Variants in FBP2 observed in about 807,000 individuals in gnomAD.
FBP2 encodes fructose-bisphosphatase 2.
In FBP2, 27 loss-of-function variants were observed where a neutral mutation model predicts 31.6. That is an observed-to-expected ratio of 0.85 (90% CI 0.63 to 1.18). FBP2 has a LOEUF of 1.18. FBP2 is among the 50% of genes most tolerant of loss of function. The pLI is 0.00. For synonymous variants in FBP2, 168 were observed against 179.8 expected, an observed-to-expected ratio of 0.93 and a Z score of 0.53; for missense variants, 421 against 436.1, an observed-to-expected ratio of 0.97 and a Z score of 0.31.
intron 2 of FBP2, among the ~76,000 whole-genome samples, chr9:94,585,438 G>A (rs924740521): frequency 2.0e-5 from 3 of 151,784 alleles, no homozygotes; most frequent in Non-Finnish European, 2.9e-5. Flanking sequence ...CATTCCAGTG[G>A]GAGAACAGAC....
intron 1 of FBP2, among the ~76,000 whole-genome samples, chr9:94,591,197 G>A (rs1827496940): frequency 6.6e-6 from 1 of 152,270 alleles, no homozygotes; most frequent in Admixed American, 6.5e-5. Context: ...AGCGGGGGGT[G>A]GCGCTCGTCG....
At chr9:94,571,914 A>G (rs1413975939) in intron 3 of FBP2, among the ~76,000 whole-genome samples, 1 of 152,150 alleles carries the variant, frequency 6.6e-6, no homozygotes, top group Non-Finnish European at 1.5e-5. Flanking sequence ...TTCCCAAGCC[A>G]CGATACTCAC....
intron 3 of FBP2, among the ~76,000 whole-genome samples, chr9:94,579,791 A>G (rs1827357662): frequency 6.6e-6 from 1 of 152,034 alleles, no homozygotes; most frequent in African/African-American, 2.4e-5. Context: ...TGAGAGGATA[A>G]CTCTCTCATT....
rs752148715 is a variant in FBP2, at chr9:94,593,713, C to T, written c.14G>A (p.Ser5Asn). 8.1e-6 allele frequency: 13 copies of T among 1,614,004 alleles called. No individual in the cohort carries two copies. The highest frequency in any genetic ancestry group is 1.1e-5 in the Non-Finnish European group (13 of 1,179,986). The change falls in exon 1 of 7, where the codon AGC becomes AAC. Residue 5 changes from serine (S) to asparagine (N), a missense_variant. Transcript: ENST00000375337. ...GGTGAGCATGTCGGTTTCGAAGGGG[C>T]TTCTGTCCGTCATTTTGGCTGGAAT... MTDR[S>N]PFETDMLTLT...
intron 3 of FBP2, among the ~76,000 whole-genome samples, chr9:94,579,327 G>T (rs947273022): frequency 2.7e-5 from 4 of 149,782 alleles, no homozygotes; most frequent in Non-Finnish European, 5.9e-5. Context: ...GAACCCAGTA[G>T]GCGGAGCTTG....
At chr9:94,581,224 A>G (rs988422617) in intron 3 of FBP2, among the ~76,000 whole-genome samples, 1 of 152,168 alleles carries the variant, frequency 6.6e-6, no homozygotes, top group Non-Finnish European at 1.5e-5. Flanking sequence ...CTATAGTGGA[A>G]GAAGTGAGCG....
intron 5 of FBP2, 82 bp from the exon 6 acceptor site, chr9:94,563,543 G>A (rs1827141292): frequency 6.7e-7 from 1 of 1,495,696 alleles, no homozygotes; most frequent in Admixed American, 1.9e-5. Context: ...AGTCCAGTTG[G>A]TGTGACCTCT....
chr9:94,575,728 A>G (rs1248040885), intron 3 of FBP2, among the ~76,000 whole-genome samples: 1 of 152,220 alleles, frequency 6.6e-6, no homozygotes, highest in Non-Finnish European at 1.5e-5. Context: ...AGTCCCACCA[A>G]TGAGGTATAA....
rs149084114 is a variant in FBP2, at chr9:94,572,322, GACAC to G, written c.427-724_427-721del. ...TGTATTGAGTTACCCCGTCTCCCAC[GACAC>G]ACACACACGCACACTTATTTGATGG... On this transcript the variant is annotated intron_variant, in intron 3 of 6. Transcript: ENST00000375337. Among the ~76,000 whole-genome samples the G allele has an allele frequency of 2.0e-5, 3 of 151,872 alleles. 1 individual carries two copies. The highest frequency in any genetic ancestry group is 7.3e-5 in the African/African-American group (3 of 41,336).
In FBP2 at chr9:94,587,440, G is replaced by A. The variant is rs1827441117; in HGVS notation, c.200C>T (p.Thr67Met). ...LYGIAGSVNV[T>M]GDEVKKLDVL... ...ATCCAGTTTCTTCACCTCATCTCCC[G>A]TCACGTTAACGCTTCCTGCGATTCC... Residue 67 changes from threonine (T) to methionine (M), a missense_variant, in exon 2 of 7, where the codon ACG becomes ATG. Physicochemically the swap from Thr to Met is moderately conservative, Grantham distance 81. Coordinates refer to ENST00000375337, the MANE Select transcript of FBP2 (RefSeq NM_003837.4). 1 of 1,614,002 alleles carries A rather than the reference G, an allele frequency of 6.2e-7. No homozygotes were observed. Among genetic ancestry groups the A allele is most frequent in the Non-Finnish European group, 8.5e-7 (1 of 1,179,966 alleles).
At chr9:94,586,605 A>G (rs1470446345) in intron 2 of FBP2, 1 of 152,240 alleles carries the variant, frequency 6.6e-6, no homozygotes, top group East Asian at 1.9e-4. Context: ...GGCATAGAGC[A>G]GAGGTTAAAT....
chr9:94,565,769 ATGATAGATAGAT>A (rs1207172529), intron 5 of FBP2, among the ~76,000 whole-genome samples: 1 of 43,610 alleles, frequency 2.3e-5, no homozygotes. Context: ...AGATACATAG[ATGATAGATAGAT>A]AGATAGATGA....
chr9:94,587,014 A>G (rs922335772), intron 2 of FBP2, among the ~76,000 whole-genome samples: 1 of 152,186 alleles, frequency 6.6e-6, no homozygotes, highest in Admixed American at 6.5e-5. Flanking sequence ...TTAAGCCCCC[A>G]AAAATTTGGC....
chr9:94,585,797 T>A (rs1827420844), intron 2 of FBP2, among the ~76,000 whole-genome samples: 1 of 150,498 alleles, frequency 6.6e-6, no homozygotes, highest in Non-Finnish European at 1.5e-5. Context: ...TAAATTTTTA[T>A]CTTTTGTATC....
intron 3 of FBP2, among the ~76,000 whole-genome samples, chr9:94,579,071 G>GAAAAAAAAAT (rs1564185245): frequency 2.3e-5 from 2 of 87,194 alleles, no homozygotes; most frequent in Non-Finnish European, 4.3e-5. Flanking sequence ...AAAAAAAAAG[G>GAAAAAAAAAT]TTATTTTAAA....
At chr9:94,575,500 C>T (rs1827307324) in intron 3 of FBP2, among the ~76,000 whole-genome samples, 1 of 152,174 alleles carries the variant, frequency 6.6e-6, no homozygotes, top group African/African-American at 2.4e-5. Context: ...TGTTGTATGA[C>T]TATATCACAA....
At chr9:94,564,387 A>G (rs1048284846) in intron 5 of FBP2, among the ~76,000 whole-genome samples, 1 of 152,228 alleles carries the variant, frequency 6.6e-6, no homozygotes, top group Admixed American at 6.5e-5. Context: ...ACTATTCACA[A>G]TAGCAAAGAT....
Position 94,584,650 on chromosome 9 carries a change from A to G in FBP2, c.353T>C (p.Phe118Ser), listed in dbSNP as rs748352061. Reference sequence around the variant, plus strand: ...ATTGGAAGATCCATCCAGTGGGTCAAAGCAGACCACGTATTTCCCCTAAAT... The same window carrying G: ...ATTGGAAGATCCATCCAGTGGGTCAGAGCAGACCACGTATTTCCCCTAAAT... ...KEKRGKYVVC[F>S]DPLDGSSNID... Residue 118 changes from phenylalanine (F) to serine (S), a missense_variant, in exon 3 of 7, where the codon TTT (phenylalanine) becomes TCT (serine). Phe to Ser is a radical substitution (Grantham distance 155). Coordinates refer to ENST00000375337, the MANE Select transcript of FBP2 (RefSeq NM_003837.4). The G allele has an allele frequency of 2.8e-5, 45 of 1,612,652 alleles. No individual in the cohort carries two copies. Among genetic ancestry groups the G allele is most frequent in the Middle Eastern group, 3.3e-4 (2 of 6,078 alleles).
intron 3 of FBP2, among the ~76,000 whole-genome samples, chr9:94,576,033 T>C (rs943185828): frequency 2.6e-5 from 4 of 152,148 alleles, no homozygotes; most frequent in Admixed American, 2.6e-4. Flanking sequence ...ATGTGCCTTC[T>C]TAGAAGTTCC....
Sources: gnomAD v4.1 joint callset for allele counts (sites outside exome capture counted in the v4.1 genomes callset) on GRCh38, gnomAD v4.1.1 for gene constraint, MANE v1.5 for transcripts, NCBI Gene and HGNC (gene_info 2026-07-23, HGNC 2026-07-21) for gene names.